Variants in AMDHD1 observed in about 807,000 individuals in gnomAD.
The protein encoded by AMDHD1 is amidohydrolase domain containing 1.
Under a neutral mutation model 44.1 loss-of-function variants are expected in AMDHD1, and 45 were observed. The ratio of observed to expected loss-of-function variants is 1.02; its 90% CI spans 0.80 to 1.31. The LOEUF (loss-of-function observed/expected upper bound fraction) is 1.31. Ranked by LOEUF, AMDHD1 falls within the 50% of genes most tolerant of loss-of-function variation. The pLI, the probability that AMDHD1 is intolerant of heterozygous loss-of-function variation, is 0.00. For synonymous variants in AMDHD1, 206 were observed against 205.0 expected (o/e 1.00, Z -0.04); for missense variants, 586 against 552.1 (o/e 1.06, Z -0.61).
chr12:95,953,888 T>C (rs1322950208), intron 2 of AMDHD1, among the ~76,000 whole-genome samples: 2 of 152,160 alleles, frequency 1.3e-5, no homozygotes, highest in African/African-American at 4.8e-5. Context: ...GCCTTCCTTA[T>C]GATTCTTGAG....
At chr12:95,944,752 C>T (rs1480430552) in intron 1 of AMDHD1, among the ~76,000 whole-genome samples, 2 of 152,026 alleles carry the variant, frequency 1.3e-5, no homozygotes, top group Admixed American at 1.3e-4. Flanking sequence ...GAAAACATTC[C>T]CAATTTACTA....
rs1316069183 is a variant in AMDHD1 at position 95,946,751 on chromosome 12, G to A, written c.137+3216G>A. ...CCTGATTCTCCTGCCTCAGTCTGCC[G>A]AATGCCTGTGATTGCAGGCACGCGC... On this transcript the variant is annotated intron_variant, in intron 1 of 8. Transcript: ENST00000266736. 1.8e-4 allele frequency among the ~76,000 whole-genome samples: 6 copies of A among 33,192 alleles called. 1 individual carries two copies. The highest frequency in any genetic ancestry group is 6.8e-4 in the Admixed American group (2 of 2,920). The allele number at this position is 33,192 out of a possible 152,430, so 21.8% of individuals were successfully genotyped here.
In AMDHD1 at chr12:95,956,832, G is replaced by T; in HGVS notation, c.457G>T (p.Val153Leu). 6.2e-7 allele frequency: 1 copy of T among 1,614,162 alleles called. No homozygotes were observed. The change falls in exon 4 of 9, where the codon GTG becomes TTG. Residue 153 changes from valine to leucine, a missense_variant. Transcript: ENST00000266736. ...QCMMRAGTTL[V>L]ECKSGYGLDL... ...CATGATGAGGGCTGGCACCACGCTG[G>T]TGGAGTGCAAGAGTGGATATGGCCT...
intron 2 of AMDHD1, among the ~76,000 whole-genome samples, chr12:95,953,751 T>G (rs888118280): frequency 1.3e-5 from 2 of 152,118 alleles, no homozygotes; most frequent in African/African-American, 4.8e-5. Context: ...TGGCTAATTT[T>G]TGTATTTTTA....
At chr12:95,952,910 A>G in intron 2 of AMDHD1, 87 bp downstream of exon 2, 2 of 737,932 alleles carry the variant, frequency 2.7e-6, no homozygotes, top group East Asian at 5.2e-5. Flanking sequence ...AGCTTATTTT[A>G]AAGTCTCAAA....
chr12:95,967,063 C>T (rs889357732), intron 8 of AMDHD1, among the ~76,000 whole-genome samples: 1 of 152,178 alleles, frequency 6.6e-6, no homozygotes, highest in Non-Finnish European at 1.5e-5. Flanking sequence ...GTTTAATCGA[C>T]TCACAGTTCT....
chr12:95,959,569 C>T (rs1281845793), intron 4 of AMDHD1, among the ~76,000 whole-genome samples: 1 of 151,832 alleles, frequency 6.6e-6, no homozygotes, highest in Admixed American at 6.6e-5. Flanking sequence ...GTACCATGCC[C>T]AACTCCACCA....
intron 4 of AMDHD1, among the ~76,000 whole-genome samples, chr12:95,959,823 T>G (rs1445231330): frequency 4.7e-5 from 5 of 106,914 alleles, no homozygotes; most frequent in Non-Finnish European, 7.3e-5. Flanking sequence ...TGAGGCGGAG[T>G]CTTGCTCTGT....
At chr12:95,958,760 C>CA (rs1330990120) in intron 4 of AMDHD1, among the ~76,000 whole-genome samples, 1 of 152,112 alleles carries the variant, frequency 6.6e-6, no homozygotes, top group Admixed American at 6.6e-5. Flanking sequence ...TGAGAATTAA[C>CA]AATAACTTGC....
intron 1 of AMDHD1, among the ~76,000 whole-genome samples, chr12:95,949,918 G>C (rs78054404): frequency 1.3e-4 from 20 of 152,188 alleles, no homozygotes; most frequent in Non-Finnish European, 2.6e-4. Flanking sequence ...ATGAATGAGA[G>C]AACCACACTG....
At position 95,943,522 on chromosome 12, in the gene AMDHD1, C is replaced by T; in HGVS notation, c.124C>T (p.Leu42=). The change falls in exon 1 of 9, where the codon CTG becomes TTG. Residue 42 remains leucine (L), a synonymous_variant. Coordinates refer to ENST00000266736, the MANE Select transcript of AMDHD1 (RefSeq NM_152435.3). ...CCTGGCGGTGCTGGAAGGCGCCAGCCTGGTGGTGGGCAAGTAAGTGGCCGG... is the reference window on the plus strand; with the variant it reads ...CCTGGCGGTGCTGGAAGGCGCCAGCTTGGTGGTGGGCAAGTAAGTGGCCGG... The part of the protein sequence containing the change: ...RSLAVLEGAS[L]VVGKDGFIKA... 1 of 1,474,016 alleles carries T rather than the reference C, an allele frequency of 6.8e-7. No individual in the cohort carries two copies. Among genetic ancestry groups the T allele is most frequent in the Non-Finnish European group, 9.0e-7 (1 of 1,116,106 alleles). 91.3% of individuals were successfully genotyped at this position (1,474,016 alleles called of 1,614,324 possible). A position where few individuals can be genotyped will look rare whatever the true frequency, so the allele number is the denominator to read the frequency against.
intron 1 of AMDHD1, among the ~76,000 whole-genome samples, chr12:95,944,852 G>A (rs114291069): frequency 0.015 from 2,339 of 152,154 alleles, 59 homozygotes; most frequent in African/African-American, 0.052. Context: ...ATATCAATGC[G>A]ACCAGGCACA....
At chr12:95,952,539 CT>C (rs987791950) in intron 1 of AMDHD1, among the ~76,000 whole-genome samples, 177 bp from the exon 2 acceptor site, 1 of 152,132 alleles carries the variant, frequency 6.6e-6, no homozygotes, top group African/African-American at 2.4e-5. Context: ...TAATCTGGGT[CT>C]TTTATGGTTG....
chr12:95,944,057 G>A (rs1179420781), intron 1 of AMDHD1, among the ~76,000 whole-genome samples: 1 of 152,062 alleles, frequency 6.6e-6, no homozygotes, highest in Non-Finnish European at 1.5e-5. Flanking sequence ...GACGATAATG[G>A]CCCTGAGTGA....
At position 95,954,909 on chromosome 12, in the gene AMDHD1, A is replaced by G. The variant is rs767502347; in HGVS notation, c.245-2A>G. On this transcript the variant is annotated splice_acceptor_variant, in intron 2 of 8. Coordinates refer to ENST00000266736, the MANE Select transcript of AMDHD1 (RefSeq NM_152435.3). LOFTEE classifies it high-confidence loss of function. ...TAAGATAACTTGATTTATTGATTAT[A>G]GGTTTGGTGGATGCACACACACATC... 6.2e-7 allele frequency: 1 copy of G among 1,613,976 alleles called. No individual in the cohort carries two copies. The highest frequency in any genetic ancestry group is 8.5e-7 in the Non-Finnish European group (1 of 1,179,882).
At chr12:95,944,327 TTTTATTTATTTATTTATTTA>T (rs34358106) in intron 1 of AMDHD1, among the ~76,000 whole-genome samples, 10 of 141,642 alleles carry the variant, frequency 7.1e-5, no homozygotes, top group South Asian at 2.3e-4. Context: ...GTTGGTTTAA[TTTTATTTATTTATTTATTTA>T]TTTATTTATT....
intron 2 of AMDHD1, 21 bp downstream of exon 2, chr12:95,952,844 A>G: frequency 7.0e-7 from 1 of 1,437,382 alleles, no homozygotes; most frequent in Non-Finnish European, 9.8e-7. Flanking sequence ...CTTTTTCAGT[A>G]AAGGTCTACA....
At chr12:95,957,313 T>TC (rs1302531439) in intron 4 of AMDHD1, among the ~76,000 whole-genome samples, 2 of 152,244 alleles carry the variant, frequency 1.3e-5, no homozygotes, top group Non-Finnish European at 2.9e-5. Context: ...ATAGTAATGC[T>TC]CTTTAAGAGG....
intron 8 of AMDHD1, 120 bp downstream of exon 8, chr12:95,966,628 G>A (rs1273464695): frequency 3.2e-6 from 4 of 1,260,738 alleles, no homozygotes; most frequent in Non-Finnish European, 4.5e-6. Flanking sequence ...ACACTATCCA[G>A]TCCCCTCTAT....
Sources: allele counts gnomAD v4.1 joint callset (sites outside exome capture counted in the v4.1 genomes callset), GRCh38; gene constraint gnomAD v4.1.1; transcripts MANE v1.5; gene names NCBI Gene and HGNC (gene_info 2026-07-23, HGNC 2026-07-21).